The following BCAS3 variants were observed in gnomAD, a reference collection of about 807,000 sequenced individuals.
BCAS3 encodes BCAS3 microtubule associated cell migration factor.
Under a neutral mutation model 116.1 loss-of-function variants are expected in BCAS3, and 53 were observed. That is an observed-to-expected ratio of 0.46 (90% CI 0.37 to 0.57). BCAS3 has a LOEUF of 0.57. Ranked by LOEUF, BCAS3 falls within the 20% of genes least tolerant of loss-of-function variation. The pLI, the probability that BCAS3 is intolerant of heterozygous loss-of-function variation, is 0.00. For synonymous variants in BCAS3, 391 were observed against 408.2 expected, an observed-to-expected ratio of 0.96 and a Z score of 0.51; for missense variants, 917 against 1,165.4, an observed-to-expected ratio of 0.79 and a Z score of 3.10.
At chr17:60,963,245 AT>A (rs58716303) in intron 14 of BCAS3, among the ~76,000 whole-genome samples, 2 of 149,764 alleles carry the variant, frequency 1.3e-5, no homozygotes, top group Middle Eastern at 3.4e-3. Context: ...AAATGTTAAG[AT>A]TTTTTTTTTC....
chr17:61,092,877 CA>C (rs969630191), intron 22 of BCAS3, among the ~76,000 whole-genome samples: 20 of 124,106 alleles, frequency 1.6e-4, no homozygotes, highest in African/African-American at 5.2e-4. Flanking sequence ...TTTTCACAAA[CA>C]AAAAAAATCT....
chr17:60,766,225 C>T (rs1035784308), intron 6 of BCAS3, among the ~76,000 whole-genome samples: 4 of 152,100 alleles, frequency 2.6e-5, no homozygotes, highest in Admixed American at 2.0e-4. Context: ...TGCTTTGTTA[C>T]GTTGCTGGCA....
At chr17:60,688,788 C>T (rs1181387042) in intron 3 of BCAS3, 4 of 150,912 alleles carry the variant, frequency 2.7e-5, no homozygotes, top group Non-Finnish European at 4.4e-5. Context: ...TGCACTCCAG[C>T]CTGGGTGATA....
chr17:60,942,500 A>C (rs1433910901), intron 13 of BCAS3, among the ~76,000 whole-genome samples: 1 of 152,168 alleles, frequency 6.6e-6, no homozygotes, highest in African/African-American at 2.4e-5. Flanking sequence ...AATATAAACT[A>C]TGTCAATAAC....
intron 19 of BCAS3, among the ~76,000 whole-genome samples, chr17:61,054,212 C>T (rs975635926): frequency 4.6e-5 from 7 of 152,180 alleles, no homozygotes; most frequent in Admixed American, 1.3e-4. Context: ...TTGCTGGTCT[C>T]GAGATGTTTC....
chr17:61,086,368 C>T (rs891820889), intron 22 of BCAS3, among the ~76,000 whole-genome samples: 1 of 152,226 alleles, frequency 6.6e-6, no homozygotes, highest in South Asian at 2.1e-4. Flanking sequence ...GTTGGGATTA[C>T]AGGCATGAGC....
At position 60,799,520 on chromosome 17, in the gene BCAS3, G is replaced by GTTTTTTTTTTTTTTTTTTT. The variant is rs200098763; in HGVS notation, c.404-8481_404-8480insTTTTTTTTTTTTTTTTTTT. ...AATATGTAAGTTTTTTGAGATTAGT[G>GTTTTTTTTTTTTTTTTTTT]TTTGTTTTTTTTTTTTTTTTTTTTT... is the stretch of plus-strand genomic sequence containing the variant. On this transcript the variant is annotated intron_variant, in intron 6 of 23. Coordinates refer to ENST00000407086, the MANE Select transcript of BCAS3 (RefSeq NM_017679.5). Among the ~76,000 whole-genome samples the GTTTTTTTTTTTTTTTTTTT allele has an allele frequency of 1.2e-4, 14 of 117,646 alleles. 5 individuals carry two copies. The highest frequency in any genetic ancestry group is 4.4e-4 in the African/African-American group (12 of 27,178). 77.2% of individuals were successfully genotyped at this position (117,646 alleles called of 152,430 possible).
Position 61,339,736 on chromosome 17 carries a change from A to T in BCAS3, c.2426-28591A>T, listed in dbSNP as rs1274132997. Among the ~76,000 whole-genome samples, 1 of 151,642 alleles carries T rather than the reference A, an allele frequency of 6.6e-6. No homozygotes were observed. The highest frequency in any genetic ancestry group is 6.6e-5 in the Admixed American group (1 of 15,198). ...AGCTGAGATCGCGCCACTGTACTCC[A>T]GTCGGGGCGACAAAGCGAGACCCCA... On this transcript the variant is annotated intron_variant, in intron 22 of 23. Transcript: ENST00000407086. This position sits in a 1 kb window ranked among gnomAD's most constrained non-coding sequence, Gnocchi z 4.4.
At chr17:60,983,559 C>T (rs2062943446) in intron 14 of BCAS3, among the ~76,000 whole-genome samples, 1 of 152,128 alleles carries the variant, frequency 6.6e-6, no homozygotes, top group South Asian at 2.1e-4. Flanking sequence ...AGAATCACTT[C>T]TCTATTAGCA....
At position 61,379,349 on chromosome 17, in the gene BCAS3, CT is replaced by C. The variant is rs2059490245; in HGVS notation, c.2593+10856del. On this transcript the variant is annotated intron_variant, in intron 23 of 23. Coordinates refer to ENST00000407086, the MANE Select transcript of BCAS3 (RefSeq NM_017679.5). The surrounding 1 kb of genome is among the most constrained non-coding windows in gnomAD (Gnocchi z 5.5). ...TGGCCCGAGATGTGGAGGCCACCCC[CT>C]GGATGTGGTGGCTGCTGAGAGAGGG... 6.6e-6 allele frequency: 1 copy of C among 152,204 alleles called. No homozygotes were observed. Among genetic ancestry groups the C allele is most frequent in the African/African-American group, 2.4e-5 (1 of 41,416 alleles). 9.4% of individuals were successfully genotyped at this position (152,204 alleles called of 1,614,324 possible).
At chr17:61,194,537 G>A (rs923324260) in intron 22 of BCAS3, among the ~76,000 whole-genome samples, 30 of 152,018 alleles carry the variant, frequency 2.0e-4, no homozygotes, top group African/African-American at 6.0e-4. Context: ...TCGGGAGTTC[G>A]AGACCAGCCT....
At chr17:61,310,553 CAA>C (rs374976012) in intron 22 of BCAS3, among the ~76,000 whole-genome samples, 32,687 of 96,898 alleles carry the variant, frequency 0.34, 4,377 homozygotes, top group African/African-American at 0.47. Context: ...GACTCTGTCT[CAA>C]AAAAAAAAAA....
At chr17:61,291,893 C>T (rs1327824625) in intron 22 of BCAS3, among the ~76,000 whole-genome samples, 1 of 152,002 alleles carries the variant, frequency 6.6e-6, no homozygotes, top group African/African-American at 2.4e-5. Flanking sequence ...CAGGGGTCCA[C>T]TGTGATAGAA....
At chr17:60,828,944 GGT>G (rs2050671290) in intron 7 of BCAS3, among the ~76,000 whole-genome samples, 1 of 152,036 alleles carries the variant, frequency 6.6e-6, no homozygotes, top group Non-Finnish European at 1.5e-5. Flanking sequence ...AGGTGCTGTT[GGT>G]ATCTAGCGTG....
At chr17:61,086,495 A>G (rs975510622) in intron 22 of BCAS3, among the ~76,000 whole-genome samples, 4 of 152,246 alleles carry the variant, frequency 2.6e-5, no homozygotes, top group African/African-American at 7.2e-5. Flanking sequence ...CTTTTGCAAG[A>G]AGAGTTTTTA....
intron 13 of BCAS3, among the ~76,000 whole-genome samples, chr17:60,941,101 G>A (rs143610811): frequency 4.6e-5 from 7 of 152,254 alleles, no homozygotes; most frequent in African/African-American, 1.4e-4. Context: ...ACCCTCTAAC[G>A]CTAATGCTCA....
intron 22 of BCAS3, among the ~76,000 whole-genome samples, chr17:61,152,860 T>C (rs2144013477): frequency 6.6e-6 from 1 of 152,288 alleles, no homozygotes; most frequent in African/African-American, 2.4e-5. Context: ...TAAAACAGCC[T>C]CCTGGAGATT....
At chr17:60,781,590 C>T (rs1209004174) in intron 6 of BCAS3, among the ~76,000 whole-genome samples, 1 of 152,022 alleles carries the variant, frequency 6.6e-6, no homozygotes, top group Non-Finnish European at 1.5e-5. Context: ...CAGAGTGAGA[C>T]CTTTTCTTTC....
At chr17:60,783,212 T>C (rs2045982261) in intron 6 of BCAS3, among the ~76,000 whole-genome samples, 1 of 152,148 alleles carries the variant, frequency 6.6e-6, no homozygotes, top group Non-Finnish European at 1.5e-5. Context: ...TGTTTATTTA[T>C]TTACTTATTT....
Sources: gnomAD v4.1 joint callset for allele counts (sites outside exome capture counted in the v4.1 genomes callset) on GRCh38, gnomAD v4.1.1 for gene constraint, Gnocchi (gnomAD v3.1) non-coding constraint, MANE v1.5 for transcripts, NCBI Gene and HGNC (gene_info 2026-07-23, HGNC 2026-07-21) for gene names.